Variants in SLCO1A2 observed in about 807,000 individuals in gnomAD.
SLCO1A2 encodes the protein OATP-1.
Under a neutral mutation model 69.0 loss-of-function variants are expected in SLCO1A2, and 67 were observed. The observed-to-expected ratio is 0.97, with a 90% CI of 0.80 to 1.19. The LOEUF is 1.19. Among genes scored for constraint, SLCO1A2 ranks in the 50% most tolerant of loss-of-function variants. SLCO1A2 has a pLI of 0.00. For missense variants in SLCO1A2, 787 were observed against 793.7 expected, an observed-to-expected ratio of 0.99 and a Z score of 0.10; for synonymous variants, 260 against 265.9, an observed-to-expected ratio of 0.98 and a Z score of 0.22.
At chr12:21,381,748 A>G (rs955439411) in intron 1 of SLCO1A2, among the ~76,000 whole-genome samples, 1 of 152,236 alleles carries the variant, frequency 6.6e-6, no homozygotes, top group African/African-American at 2.4e-5. Flanking sequence ...GTGAGCCAAG[A>G]TCATGCCACT....
Position 21,318,770 on chromosome 12 carries a change from A to G in SLCO1A2, c.202+12T>C, listed in dbSNP as rs758493419. ...AAATACAAAAAGAAGAAATGCAAAA[A>G]TAATTCATTACCAATCTCAAAGCTT... On this transcript the variant is annotated intron_variant, in intron 3 of 14. Transcript: ENST00000683939. 1.3e-6 allele frequency: 2 copies of G among 1,587,766 alleles called. No individual in the cohort carries two copies. Among genetic ancestry groups the G allele is most frequent in the Non-Finnish European group, 1.7e-6 (2 of 1,171,774 alleles).
In SLCO1A2 at chr12:21,269,689, C is replaced by T. The variant is rs747031157; in HGVS notation, c.1872G>A (p.Arg624=). The T allele has an allele frequency of 6.2e-7, 1 of 1,612,630 alleles. No homozygotes were observed. Among genetic ancestry groups the T allele is most frequent in the Non-Finnish European group, 8.5e-7 (1 of 1,179,068 alleles). ...CATTTTCACCAGGTAGATGACACTT[C>T]CTCAAAAGAATTAAGATGATTAAGG... ...VPALIILILL[R]KCHLPGENAS... is the part of the protein sequence containing the mutation. Residue 624 remains arginine, a synonymous_variant, in exon 15 of 15, where the codon AGG becomes AGA. Coordinates refer to ENST00000683939, the MANE Select transcript of SLCO1A2 (RefSeq NM_001386879.1).
At position 21,297,981 on chromosome 12, in the gene SLCO1A2, T is replaced by G. The variant is rs1221540617; in HGVS notation, c.911-413A>C. 3.3e-5 allele frequency among the ~76,000 whole-genome samples: 5 copies of G among 152,142 alleles called. No individual in the cohort carries two copies. In the East Asian group the frequency reaches 9.6e-4, roughly 29 times the overall value. ...CTGTTCTGTAAAGTCTGGAGGAAAA[T>G]CGAGTTGATAAAGAAGATTTCACAC... On this transcript the variant is annotated intron_variant, in intron 8 of 14. Coordinates refer to ENST00000683939, the MANE Select transcript of SLCO1A2 (RefSeq NM_001386879.1).
At chr12:21,366,331 T>G (rs1044726541) in intron 2 of SLCO1A2, among the ~76,000 whole-genome samples, 7 of 139,434 alleles carry the variant, frequency 5.0e-5, no homozygotes, top group African/African-American at 1.6e-4. Context: ...TTCTCACTCA[T>G]AGGTGAGAAT....
intron 2 of SLCO1A2, among the ~76,000 whole-genome samples, chr12:21,319,929 A>C (rs1432804738): frequency 1.3e-5 from 2 of 152,222 alleles, no homozygotes; most frequent in African/African-American, 4.8e-5. Context: ...AAGAGGTTTT[A>C]AAACAGGAGC....
intron 1 of SLCO1A2, among the ~76,000 whole-genome samples, chr12:21,410,423 T>A (rs1164232859): frequency 2.0e-5 from 3 of 152,204 alleles, no homozygotes; most frequent in Admixed American, 2.0e-4. Context: ...ATCCACATTG[T>A]AACTATCCAT....
chr12:21,369,308 T>C (rs1045395984), intron 2 of SLCO1A2, among the ~76,000 whole-genome samples: 29 of 152,298 alleles, frequency 1.9e-4, no homozygotes, highest in African/African-American at 6.7e-4. Context: ...TGGAGTCATT[T>C]ACTTCTCTAA....
intron 1 of SLCO1A2, among the ~76,000 whole-genome samples, chr12:21,387,840 G>A (rs929477682): frequency 1.3e-5 from 2 of 152,096 alleles, no homozygotes; most frequent in East Asian, 1.9e-4. Flanking sequence ...CCACAGACAC[G>A]CAACACCAGC....
intron 4 of SLCO1A2, 22 bp from the exon 5 acceptor site, chr12:21,307,010 G>T: frequency 6.5e-7 from 1 of 1,534,620 alleles, no homozygotes; most frequent in Non-Finnish European, 9.0e-7. Context: ...CAGGGAAAAT[G>T]AGTTTATTTT....
chr12:21,369,726 G>A (rs138085145), intron 2 of SLCO1A2, among the ~76,000 whole-genome samples: 65 of 152,292 alleles, frequency 4.3e-4, no homozygotes, highest in Non-Finnish European at 6.3e-4. Context: ...CTGAGATTCT[G>A]CATTTCTAAT....
At chr12:21,360,556 C>A (rs1938761120) in intron 2 of SLCO1A2, among the ~76,000 whole-genome samples, 1 of 152,190 alleles carries the variant, frequency 6.6e-6, no homozygotes, top group African/African-American at 2.4e-5. Context: ...GCTTGCCAGA[C>A]AAGTGGGTGC....
In SLCO1A2 at chr12:21,292,166, C is replaced by A; in HGVS notation, c.1608G>T (p.Leu536Phe). ...LAAIPGYMVL[L>F]RCMKSEEKSL... ...AAATAAAGAAAATAATTTTGTACCT[C>A]AAGAGAACCATATATCCAGGTATGG... The change falls in exon 12 of 15, where the codon TTG (leucine) becomes TTT (phenylalanine). Residue 536 changes from leucine (L) to phenylalanine (F), a missense_variant and splice_region_variant. Coordinates refer to ENST00000683939, the MANE Select transcript of SLCO1A2 (RefSeq NM_001386879.1). 6.3e-7 allele frequency: 1 copy of A among 1,574,810 alleles called. No homozygotes were observed.
chr12:21,346,538 T>C (rs1423673246), intron 2 of SLCO1A2, among the ~76,000 whole-genome samples: 3 of 151,662 alleles, frequency 2.0e-5, no homozygotes, highest in African/African-American at 7.3e-5. Context: ...AAAAAACATA[T>C]GTGGAACAAT....
intron 2 of SLCO1A2, chr12:21,373,168 A>T: frequency 1.6e-6 from 1 of 608,226 alleles, no homozygotes; most frequent in East Asian, 2.8e-5. Flanking sequence ...AAATCTCGAA[A>T]TTACTTGAAA....
In SLCO1A2 at chr12:21,341,414, T is replaced by C. The variant is rs529587815; in HGVS notation, c.-62-6705A>G. Among the ~76,000 whole-genome samples, 8 of 150,514 alleles carry C rather than the reference T, an allele frequency of 5.3e-5. No individual in the cohort carries two copies. In the South Asian group the frequency reaches 1.1e-3, roughly 20 times the overall value. ...TATGTTTTCACCAATTAAAAAGTCA[T>C]TAAAAATCATTGGAATTGATTCTTT... On this transcript the variant is annotated intron_variant, in intron 2 of 15. Coordinates refer to the SLCO1A2 transcript ENST00000307378.
chr12:21,418,030 C>T (rs985003718), upstream of SLCO1A2: 1 of 152,066 alleles, frequency 6.6e-6, no homozygotes, highest in Admixed American at 6.6e-5. Flanking sequence ...ACTTTATATC[C>T]TCATCCCCAC....
intron 8 of SLCO1A2, among the ~76,000 whole-genome samples, chr12:21,300,046 G>GTGTATATATGTGTGTATATATA (rs1169662102): frequency 4.5e-5 from 6 of 132,496 alleles, no homozygotes; most frequent in African/African-American, 2.5e-4. Flanking sequence ...ATATATATAT[G>GTGTATATATGTGTGTATATATA]TGTGTGTACA....
At chr12:21,405,997 C>T (rs1357954307) in intron 1 of SLCO1A2, among the ~76,000 whole-genome samples, 1 of 152,178 alleles carries the variant, frequency 6.6e-6, no homozygotes, top group Non-Finnish European at 1.5e-5. Context: ...CTACTCCATG[C>T]CAAATATTTC....
chr12:21,400,001 G>T (rs912247297), upstream of SLCO1A2, among the ~76,000 whole-genome samples: 9 of 151,930 alleles, frequency 5.9e-5, no homozygotes, highest in African/African-American at 2.2e-4. Context: ...AAAAGCAATG[G>T]CAACAAAAGA....
Sources: gnomAD v4.1 joint callset for allele counts (sites outside exome capture counted in the v4.1 genomes callset) on GRCh38, gnomAD v4.1.1 for gene constraint, MANE v1.5 for transcripts, NCBI Gene and HGNC (gene_info 2026-07-23, HGNC 2026-07-21) for gene names.